The following CBX2 variants were observed in gnomAD, a reference collection of about 807,000 sequenced individuals.
CBX2 encodes the protein chromobox 2, also known as chromobox protein homolog 2.
In CBX2, 11 loss-of-function variants were observed where a neutral mutation model predicts 21.0. That is an observed-to-expected ratio of 0.52 (90% confidence interval 0.33 to 0.87). The LOEUF (loss-of-function observed/expected upper bound fraction) is 0.87, where lower values mean the gene tolerates loss of function less well. CBX2 is among the 40% of genes least tolerant of loss of function. The probability of loss-of-function intolerance (pLI) is 0.02; values close to 1 mark genes in which losing one functional copy is unlikely to be tolerated. For missense variants in CBX2, 746 were observed against 724.3 expected (o/e 1.03, Z -0.34); for synonymous variants, 364 against 304.6 (o/e 1.19, Z -2.03).
At position 79,784,100 on chromosome 17, in the gene CBX2, G is replaced by A; in HGVS notation, c.657G>A (p.Lys219=). ...TGGCAGCTCTGAAGGCCCACGCCAA[G>A]GAGGCCTGTGGCGGCCCCAGTGCCA... ...AGLAALKAHA[K]EACGGPSAMA... The change falls in exon 5 of 5, where the codon AAG becomes AAA. Residue 219 remains lysine (K), a synonymous_variant. Transcript: ENST00000310942. This position sits in a 1 kb window ranked among gnomAD's most constrained non-coding sequence, Gnocchi z 5.9. The A allele has an allele frequency of 6.2e-7, 1 of 1,611,734 alleles. No homozygotes were observed. The highest frequency in any genetic ancestry group is 2.2e-5 in the East Asian group (1 of 44,858).
At chr17:79,781,546 T>G in intron 3 of CBX2, 150 bp from the exon 4 acceptor site, 1 of 745,724 alleles carries the variant, frequency 1.3e-6, no homozygotes, top group Non-Finnish European at 2.4e-6. Context: ...GGGTCTGATC[T>G]CTGCCTTGGG....
In CBX2 at chr17:79,785,149, A is replaced by T. The variant is rs564697398; in HGVS notation, c.*107A>T. On this transcript the variant is annotated 3_prime_UTR_variant, in exon 5 of 5. Transcript: ENST00000310942. ...CCCCCTCAAGAGTCTGGGTCGGGGG[A>T]GGAGGAGTGGGTGGCCTCCTTGATG... 6.1e-6 allele frequency: 6 copies of T among 981,444 alleles called. No individual in the cohort carries two copies. Among genetic ancestry groups the T allele is most frequent in the Non-Finnish European group, 9.4e-6 (6 of 637,290 alleles). 60.8% of individuals were successfully genotyped at this position (981,444 alleles called of 1,614,324 possible).
chr17:79,780,358 A>G (rs1907086367), intron 3 of CBX2, among the ~76,000 whole-genome samples: 1 of 152,202 alleles, frequency 6.6e-6, no homozygotes, highest in South Asian at 2.1e-4. Flanking sequence ...GGGTCATGAT[A>G]ATGGGGAAAT....
At chr17:79,782,051 C>T in intron 4 of CBX2, 1 of 1,613,986 alleles carries the variant, frequency 6.2e-7, no homozygotes, top group Non-Finnish European at 8.5e-7. Flanking sequence ...CTGCACGCCT[C>T]TCTGCTGGGT....
rs782370991 is a variant in CBX2 at position 79,784,519 on chromosome 17, A to C, written c.1076A>C (p.Gln359Pro). 7 of 1,612,630 alleles carry C rather than the reference A, an allele frequency of 4.3e-6. No homozygotes were observed. The East Asian group carries it at 1.3e-4, about 31-fold the overall frequency. Residue 359 changes from glutamine (Q) to proline (P), a missense_variant, in exon 5 of 5, where the codon CAG (glutamine) becomes CCG (proline). Coordinates refer to ENST00000310942, the MANE Select transcript of CBX2 (RefSeq NM_005189.3). The surrounding 1 kb of genome is among the most constrained non-coding windows in gnomAD (Gnocchi z 5.9). ...QELSLQVLDL[Q>P]SVKNGMPGVG... ...CTGAGCCTCCAGGTCTTGGACTTGC[A>C]GAGTGTCAAGAATGGCATGCCCGGG...
At chr17:79,781,051 C>T (rs893961652) in intron 3 of CBX2, among the ~76,000 whole-genome samples, 2 of 128,300 alleles carry the variant, frequency 1.6e-5, no homozygotes, top group Non-Finnish European at 3.5e-5. Flanking sequence ...TGTGGAGGCT[C>T]TTCTGGGGGC....
chr17:79,785,150 G>C lies in CBX2; in HGVS notation c.*108G>C. ...CCCCTCAAGAGTCTGGGTCGGGGGA[G>C]GAGGAGTGGGTGGCCTCCTTGATGG... On this transcript the variant is annotated 3_prime_UTR_variant, in exon 5 of 5. Coordinates refer to ENST00000310942, the MANE Select transcript of CBX2 (RefSeq NM_005189.3). 2 of 964,384 alleles carry C rather than the reference G, an allele frequency of 2.1e-6. No individual in the cohort carries two copies. Among genetic ancestry groups the C allele is most frequent in the Non-Finnish European group, 3.2e-6 (2 of 622,936 alleles). The allele number at this position is 964,384 out of a possible 1,614,324, so 59.7% of individuals were successfully genotyped here.
At chr17:79,782,502 C>T in intron 4 of CBX2, 2 of 1,184,372 alleles carry the variant, frequency 1.7e-6, no homozygotes, top group Non-Finnish European at 2.1e-6. Flanking sequence ...CCGGGTGTGG[C>T]TTTGATTCCC....
At chr17:79,782,699 A>G (rs1381531286) in intron 4 of CBX2, among the ~76,000 whole-genome samples, 3 of 152,196 alleles carry the variant, frequency 2.0e-5, no homozygotes, top group African/African-American at 7.2e-5. Flanking sequence ...TGGGGGCTGC[A>G]GGAGTTCTGC....
chr17:79,779,406 T>A lies in CBX2; in HGVS notation c.161T>A (p.Leu54Gln). Residue 54 changes from leucine (L) to glutamine (Q), a missense_variant, in exon 3 of 5, where the codon CTG becomes CAG. Coordinates refer to ENST00000310942, the MANE Select transcript of CBX2 (RefSeq NM_005189.3). ...EPEENILDPR[L>Q]LLAFQKKEHE... ...GAGGAGAACATCCTGGACCCGAGGC[T>A]GCTCCTGGCCTTCCAGAAGAAGTGA... 1 of 1,613,748 alleles carries A rather than the reference T, an allele frequency of 6.2e-7. No individual in the cohort carries two copies. The highest frequency in any genetic ancestry group is 8.5e-7 in the Non-Finnish European group (1 of 1,179,946).
rs1343599149 is a variant in CBX2, at chr17:79,787,171, A to G, written c.*2129A>G. ...ACCAGCCTCCCTGTGCTCGACAGCA[A>G]AGTCTTGACTCCTTCCTGCTGAGCA... On this transcript the variant is annotated 3_prime_UTR_variant, in exon 5 of 5. Transcript: ENST00000310942. 13 of 152,442 alleles carry G rather than the reference A, an allele frequency of 8.5e-5. No homozygotes were observed. The highest frequency in any genetic ancestry group is 7.8e-4 in the Admixed American group (12 of 15,304). The allele number at this position is 152,442 out of a possible 1,614,324, so 9.4% of individuals were successfully genotyped here.
At position 79,784,538 on chromosome 17, in the gene CBX2, G is replaced by T. The variant is rs1907487365; in HGVS notation, c.1095G>T (p.Met365Ile). The T allele has an allele frequency of 6.2e-7, 1 of 1,612,714 alleles. No homozygotes were observed. Among genetic ancestry groups the T allele is most frequent in the South Asian group, 1.1e-5 (1 of 91,086 alleles). ...ACTTGCAGAGTGTCAAGAATGGCAT[G>T]CCCGGGGTGGGTCTCCTTGCCCGCC... The part of the protein sequence containing the change: ...VLDLQSVKNG[M>I]PGVGLLARHA... The change falls in exon 5 of 5, where the codon ATG (methionine) becomes ATT (isoleucine). Residue 365 changes from methionine (M) to isoleucine (I), a missense_variant. Coordinates refer to ENST00000310942, the MANE Select transcript of CBX2 (RefSeq NM_005189.3). The surrounding 1 kb of genome is among the most constrained non-coding windows in gnomAD (Gnocchi z 5.9).
chr17:79,781,973 T>C (rs1031219584), intron 4 of CBX2, 172 bp downstream of exon 4: 8 of 1,610,200 alleles, frequency 5.0e-6, no homozygotes, highest in Non-Finnish European at 5.9e-6. Context: ...CAGCTTCTGC[T>C]GCCAGGGGCC....
chr17:79,786,910 T>C lies in CBX2; in HGVS notation c.*1868T>C, dbSNP rs1184165112. ...GCCTTTGGGGAGGGACCCATGTCCA[T>C]GGCTTCGTTGAGGGCCATCCATATG... On this transcript the variant is annotated 3_prime_UTR_variant, in exon 5 of 5. Coordinates refer to ENST00000310942, the MANE Select transcript of CBX2 (RefSeq NM_005189.3). 1 of 152,706 alleles carries C rather than the reference T, an allele frequency of 6.5e-6. No individual in the cohort carries two copies. The highest frequency in any genetic ancestry group is 1.5e-5 in the Non-Finnish European group (1 of 68,058). The allele number at this position is 152,706 out of a possible 1,614,324, so 9.5% of individuals were successfully genotyped here.
intron 4 of CBX2, among the ~76,000 whole-genome samples, chr17:79,783,269 G>C (rs941249516): frequency 6.6e-6 from 1 of 152,178 alleles, no homozygotes; most frequent in Non-Finnish European, 1.5e-5. Context: ...AGCACGGTGA[G>C]AAGTTGCTCC....
rs1555831099 is a variant in CBX2, at chr17:79,784,152, C to T, written c.709C>T (p.Leu237=). 2 of 1,612,596 alleles carry T rather than the reference C, an allele frequency of 1.2e-6. No homozygotes were observed. The highest frequency in any genetic ancestry group is 2.2e-5 in the South Asian group (2 of 91,080). Residue 237 remains leucine, a synonymous_variant, in exon 5 of 5, where the codon CTA becomes TTA. Transcript: ENST00000310942. The surrounding 1 kb of genome is among the most constrained non-coding windows in gnomAD (Gnocchi z 5.9). ...AMATPENLAS[L]MKGMASSPGR... is the part of the protein sequence containing the mutation. ...GGCCACCCCAGAGAACCTGGCCAGC[C>T]TAATGAAGGGCATGGCCAGTAGCCC...
chr17:79,780,440 C>A (rs550624748), intron 3 of CBX2, among the ~76,000 whole-genome samples: 9 of 152,342 alleles, frequency 5.9e-5, no homozygotes, highest in Admixed American at 1.3e-4. Flanking sequence ...ATCGTAACAG[C>A]AACCCATCGT....
intron 4 of CBX2, 145 bp downstream of exon 4, chr17:79,781,946 CCTTT>C (rs1387896641): frequency 1.2e-6 from 2 of 1,614,074 alleles, no homozygotes; most frequent in South Asian, 1.1e-5. Context: ...ACAGGAGCCC[CCTTT>C]CTTCCTGTCT....
chr17:79,784,920 TG>T lies in CBX2; in HGVS notation c.1479del (p.Trp493Ter). The T allele has an allele frequency of 6.2e-7, 1 of 1,613,426 alleles. No individual in the cohort carries two copies. The highest frequency in any genetic ancestry group is 8.5e-7 in the Non-Finnish European group (1 of 1,180,038). ...AGTGTCCGTTCAGACCAGCCAGGAC[TG>T]GAAGCCCACCCGCAGCCTCATCGAG... Reference protein sequence around the residue: ...PSVSVQTSQDWKPTRSLIEHV... With the variant: ...PSVSVQTSQDXKPTRSLIEHV... On this transcript the variant is annotated frameshift_variant, in exon 5 of 5. Transcript: ENST00000310942. LOFTEE classifies it high-confidence loss of function. The surrounding 1 kb of genome is among the most constrained non-coding windows in gnomAD (Gnocchi z 5.9).
Sources: gnomAD v4.1 joint callset for allele counts (sites outside exome capture counted in the v4.1 genomes callset) on GRCh38, gnomAD v4.1.1 for gene constraint, Gnocchi (gnomAD v3.1) non-coding constraint, MANE v1.5 for transcripts, NCBI Gene and HGNC (gene_info 2026-07-23, HGNC 2026-07-21) for gene names.